KCTD1: variants seen among roughly 807,000 people sequenced by gnomAD.
KCTD1 encodes the protein potassium channel tetramerization domain containing 1.
Under a neutral mutation model 66.0 loss-of-function variants are expected in KCTD1, and 24 were observed. The ratio of observed to expected loss-of-function variants is 0.36; its 90% confidence interval spans 0.26 to 0.51. The LOEUF is 0.51. KCTD1 is among the 20% of genes least tolerant of loss of function. The probability of loss-of-function intolerance (pLI) is 0.95; values close to 1 mark genes in which losing one functional copy is unlikely to be tolerated. For missense variants in KCTD1, 943 were observed against 1,205.2 expected (o/e 0.78, Z 3.22); for synonymous variants, 511 against 517.2 (o/e 0.99, Z 0.16).
chr18:26,600,090 G>C (rs564485781), intron 1 of KCTD1: 1 of 1,610,804 alleles, frequency 6.2e-7, no homozygotes, highest in Non-Finnish European at 8.5e-7. Context: ...AGCCAGATCC[G>C]GCTTCCCTGC....
chr18:26,601,619 T>A lies in KCTD1; in HGVS notation c.-16+27528A>T, dbSNP rs144536065. ...ATCAATTTGGGGAGCACTGCCATCTTAACAATACTATGTCTTCCAATCCAT... is the reference window on the plus strand; with the variant it reads ...ATCAATTTGGGGAGCACTGCCATCTAAACAATACTATGTCTTCCAATCCAT... On this transcript the variant is annotated intron_variant, in intron 1 of 4. Transcript: ENST00000317932. Among the ~76,000 whole-genome samples the A allele has an allele frequency of 8.8e-3, 1,337 of 152,298 alleles. 24 individuals carry two copies. Among genetic ancestry groups the A allele is most frequent in the African/African-American group, 0.031 (1,276 of 41,548 alleles).
At chr18:26,470,567 T>C (rs145216865) in intron 3 of KCTD1, among the ~76,000 whole-genome samples, 4 of 152,328 alleles carry the variant, frequency 2.6e-5, no homozygotes, top group East Asian at 1.9e-4. Context: ...CTCGATAACA[T>C]TGCTGGGCAG....
intron 2 of KCTD1, among the ~76,000 whole-genome samples, chr18:26,486,100 C>T (rs970480879): frequency 3.9e-5 from 6 of 152,090 alleles, no homozygotes; most frequent in African/African-American, 7.2e-5. Context: ...TTAATAGAGA[C>T]GGGGTTTCAC....
rs536514282 is a variant in KCTD1, at chr18:26,529,484, C to G, written c.1809+17244G>C. On this transcript the variant is annotated intron_variant, in intron 1 of 4. Transcript: ENST00000580059. ...TCAGGGCCTTTGCTCATGTACATTT[C>G]TGTCTACCACATCTCTTAGTCCAAA... is the stretch of plus-strand genomic sequence containing the variant. Among the ~76,000 whole-genome samples, 5 of 152,342 alleles carry G rather than the reference C, an allele frequency of 3.3e-5. No individual in the cohort carries two copies. The East Asian group carries it at 9.6e-4, about 29-fold the overall frequency.
chr18:26,541,408 G>A (rs1162805822), intron 1 of KCTD1, among the ~76,000 whole-genome samples: 1 of 152,150 alleles, frequency 6.6e-6, no homozygotes, highest in Non-Finnish European at 1.5e-5. Flanking sequence ...CTGTAAGATA[G>A]CTCCCACCTC....
chr18:26,465,426 G>A (rs534187709), intron 3 of KCTD1, among the ~76,000 whole-genome samples: 120 of 152,244 alleles, frequency 7.9e-4, no homozygotes, highest in Non-Finnish European at 1.6e-3. Context: ...TGGCCCACGT[G>A]CCCCTTTTCT....
At chr18:26,648,045 C>T (rs1987963290) in intron 1 of KCTD1, among the ~76,000 whole-genome samples, 2 of 152,130 alleles carry the variant, frequency 1.3e-5, no homozygotes, top group Admixed American at 6.5e-5. Flanking sequence ...GGGGTTTCAC[C>T]ATGTTGGCCA....
intron 1 of KCTD1, chr18:26,655,867 T>A (rs1988123225): frequency 6.6e-6 from 1 of 152,226 alleles, no homozygotes; most frequent in Non-Finnish European, 1.5e-5. Flanking sequence ...TCTGCTTTCC[T>A]CTTCCTGGAT....
intron 2 of KCTD1, among the ~76,000 whole-genome samples, chr18:26,480,287 A>G (rs1239656209): frequency 2.0e-5 from 3 of 152,042 alleles, no homozygotes; most frequent in Non-Finnish European, 1.5e-5. Flanking sequence ...TTTTGTTTCA[A>G]CTCTACCTCT....
intron 1 of KCTD1, among the ~76,000 whole-genome samples, chr18:26,542,456 A>C (rs1379766980): frequency 6.6e-6 from 1 of 152,212 alleles, no homozygotes; most frequent in East Asian, 1.9e-4. Flanking sequence ...CTAAGACTTC[A>C]AAGACACATA....
Position 26,548,316 on chromosome 18 carries a change from TC to T in KCTD1, c.220del (p.Asp74ThrfsTer49). The T allele has an allele frequency of 6.7e-7, 1 of 1,494,250 alleles. No individual in the cohort carries two copies. The highest frequency in any genetic ancestry group is 2.1e-5 in the Admixed American group (1 of 48,668). 92.6% of individuals were successfully genotyped at this position (1,494,250 alleles called of 1,614,324 possible). A position where few individuals can be genotyped will look rare whatever the true frequency, so the allele number is the denominator to read the frequency against. Reference protein sequence around the residue: ...DEIQEVQITGDEEEEEDGGGG... With the variant: ...DEIQEVQITGXEEEEEDGGGG... ...ACCTCCGTCCTCCTCCTCCTCCTCG[TC>T]CCCCGTTATCTGCACCTCCTGGATC... On this transcript the variant is annotated frameshift_variant, in exon 1 of 5. Coordinates refer to ENST00000580059, the MANE Select transcript of KCTD1 (RefSeq NM_001142730.3). LOFTEE classifies it high-confidence loss of function.
intron 3 of KCTD1, among the ~76,000 whole-genome samples, chr18:26,471,908 T>A (rs949280911): frequency 6.6e-6 from 1 of 152,060 alleles, no homozygotes; most frequent in Non-Finnish European, 1.5e-5. Flanking sequence ...CTGCTGGGCC[T>A]TGGGCTAGGG....
rs554838741 is a variant in KCTD1, at chr18:26,584,425, T to C, written c.-16+44722A>G. On this transcript the variant is annotated intron_variant, in intron 1 of 4. Coordinates refer to the KCTD1 transcript ENST00000317932. The stretch of plus-strand genomic sequence containing the variant: ...ATTAATAAAATTAATTTCATCTGTT[T>C]CTTTTAACCTTTTTTATGTGATCAC... 3.6e-3 allele frequency among the ~76,000 whole-genome samples: 543 copies of C among 152,394 alleles called. 3 individuals are homozygous for C. Among genetic ancestry groups the C allele is most frequent in the African/African-American group, 0.012 (505 of 41,594 alleles).
At chr18:26,524,934 C>G (rs907993849) in intron 1 of KCTD1, among the ~76,000 whole-genome samples, 11 of 152,094 alleles carry the variant, frequency 7.2e-5, no homozygotes, top group Non-Finnish European at 1.6e-4. Flanking sequence ...TTACAAAATG[C>G]CTTGATCTCA....
chr18:26,632,281 G>A (rs1365358120), upstream of KCTD1, among the ~76,000 whole-genome samples: 1 of 151,922 alleles, frequency 6.6e-6, no homozygotes, highest in Non-Finnish European at 1.5e-5. Context: ...AGCTACTCGG[G>A]AGGATGAGGC....
At position 26,627,031 on chromosome 18, in the gene KCTD1, T is replaced by C. The variant is rs1429738450; in HGVS notation, c.-16+2116A>G. ...CCTCTTTCTAAACATCTTTTGAAGATTTCAAGGCCTAACTTATGCCCCACC... is the reference window on the plus strand; with the variant it reads ...CCTCTTTCTAAACATCTTTTGAAGACTTCAAGGCCTAACTTATGCCCCACC... On this transcript the variant is annotated intron_variant, in intron 1 of 4. Coordinates refer to the KCTD1 transcript ENST00000317932. Among the ~76,000 whole-genome samples the C allele has an allele frequency of 3.9e-5, 6 of 152,262 alleles. No individual in the cohort carries two copies. In the South Asian group the frequency reaches 1.0e-3, roughly 26 times the overall value.
In KCTD1 at chr18:26,501,116, C is replaced by T; in HGVS notation, c.1944G>A (p.Met648Ile). The change falls in exon 2 of 5, where the codon ATG (methionine) becomes ATA (isoleucine). Residue 648 changes from methionine to isoleucine, a missense_variant. Met to Ile is a conservative substitution (Grantham distance 10). Around this residue, in one of 10 missense-constraint regions of KCTD1, gnomAD observed 41 missense variants for 103.8 expected, o/e 0.39. Coordinates refer to ENST00000580059, the MANE Select transcript of KCTD1 (RefSeq NM_001142730.3). ...APVHIDVGGHMYTSSLATLTK... is the reference protein window; with the variant it reads ...APVHIDVGGHIYTSSLATLTK... ...TGAGGGTGGCCAGGCTGCTGGTGTA[C>T]ATGTGGCCGCCCACATCAATGTGGA... 1 of 1,614,172 alleles carries T rather than the reference C, an allele frequency of 6.2e-7. No individual in the cohort carries two copies. The highest frequency in any genetic ancestry group is 8.5e-7 in the Non-Finnish European group (1 of 1,180,016).
chr18:26,461,087 G>A (rs1036704115), intron 3 of KCTD1, among the ~76,000 whole-genome samples: 5 of 152,218 alleles, frequency 3.3e-5, no homozygotes, highest in African/African-American at 9.6e-5. Flanking sequence ...CCTCAAAGAG[G>A]CCCCTGATGT....
At chr18:26,531,948 T>G (rs2144777244) in intron 1 of KCTD1, among the ~76,000 whole-genome samples, 1 of 152,332 alleles carries the variant, frequency 6.6e-6, no homozygotes, top group Non-Finnish European at 1.5e-5. Context: ...CAGTAATACC[T>G]TAGCTGCTTT....
Sources: gnomAD v4.1 joint callset for allele counts (sites outside exome capture counted in the v4.1 genomes callset) on GRCh38, gnomAD v4.1.1 for gene constraint, gnomAD v4.1.1 regional missense constraint, MANE v1.5 for transcripts, NCBI Gene and HGNC (gene_info 2026-07-23, HGNC 2026-07-21) for gene names.